The following CLEC9A variants were observed in gnomAD, a reference collection of about 807,000 sequenced individuals.
The protein encoded by CLEC9A is C-type lectin domain family 9 member A.
CLEC9A carries 24 observed loss-of-function variants against 30.0 expected under a neutral mutation model. The observed-to-expected ratio is 0.80, with a 90% confidence interval of 0.58 to 1.13. The LOEUF is 1.13. Ranked by LOEUF, CLEC9A falls within the 50% of genes most tolerant of loss-of-function variation. CLEC9A has a pLI of 0.00. For missense variants in CLEC9A, 251 were observed against 280.9 expected, an observed-to-expected ratio of 0.89 and a Z score of 0.76; for synonymous variants, 111 against 96.8, an observed-to-expected ratio of 1.15 and a Z score of -0.86.
chr12:10,049,266 G>C (rs1263272793), intron 2 of CLEC9A, among the ~76,000 whole-genome samples: 2 of 152,146 alleles, frequency 1.3e-5, no homozygotes. Context: ...ATAGAGAATA[G>C]GCAGGGTATA....
At chr12:10,057,480 G>C (rs184906148) in intron 5 of CLEC9A, among the ~76,000 whole-genome samples, 1 of 151,736 alleles carries the variant, frequency 6.6e-6, no homozygotes, top group Non-Finnish European at 1.5e-5. Flanking sequence ...CTAAAGGCCA[G>C]TACCTGACAA....
rs564201461 is a variant in CLEC9A, at chr12:10,054,514, G to T, written c.172+163G>T. ...GATAGAACTCTCTGAGCACTTGGAT[G>T]CCACTGATAACTTTCAATGATCTAT... On this transcript the variant is annotated intron_variant, in intron 5 of 8. Coordinates refer to ENST00000355819, the MANE Select transcript of CLEC9A (RefSeq NM_207345.4). Among the ~76,000 whole-genome samples the T allele has an allele frequency of 1.3e-3, 197 of 152,238 alleles. 1 individual carries two copies. Among genetic ancestry groups the T allele is most frequent in the African/African-American group, 4.4e-3 (183 of 41,550 alleles).
At chr12:10,042,588 G>C (rs1055001394) in intron 2 of CLEC9A, among the ~76,000 whole-genome samples, 1 of 152,094 alleles carries the variant, frequency 6.6e-6, no homozygotes, top group Non-Finnish European at 1.5e-5. Context: ...TTAAGCTCAA[G>C]GAGCATAGAT....
chr12:10,040,282 G>A (rs772256565), intron 1 of CLEC9A, among the ~76,000 whole-genome samples: 1 of 152,172 alleles, frequency 6.6e-6, no homozygotes, highest in Non-Finnish European at 1.5e-5. Context: ...CTTTGGGCAT[G>A]TTATTGATCT....
Position 10,061,200 on chromosome 12 carries a change from T to C in CLEC9A, c.246T>C (p.Phe82=), listed in dbSNP as rs1865993734. 1.2e-6 allele frequency: 2 copies of C among 1,612,996 alleles called. No individual in the cohort carries two copies. Among genetic ancestry groups the C allele is most frequent in the South Asian group, 1.1e-5 (1 of 90,844 alleles). The part of the protein sequence containing the change: ...LIQQERALLN[F]TEWKRSCALQ... The stretch of plus-strand genomic sequence containing the variant: ...AACAAGAGAGGGCACTGCTAAACTT[T>C]ACAGAATGGAAGAGAAGCTGTGCCC... The change falls in exon 6 of 9, where the codon TTT becomes TTC. Residue 82 remains phenylalanine, a synonymous_variant. Transcript: ENST00000355819.
chr12:10,042,434 G>T (rs965409679), intron 2 of CLEC9A, among the ~76,000 whole-genome samples: 5 of 152,176 alleles, frequency 3.3e-5, no homozygotes, highest in African/African-American at 1.2e-4. Context: ...GGAGGTGTGA[G>T]AGTATATAAA....
At chr12:10,035,182 C>G (rs541416649) in intron 1 of CLEC9A, among the ~76,000 whole-genome samples, 20 of 152,298 alleles carry the variant, frequency 1.3e-4, no homozygotes, top group South Asian at 2.1e-4. Flanking sequence ...GATGACTACT[C>G]TCAATGTCCA....
intron 4 of CLEC9A, among the ~76,000 whole-genome samples, chr12:10,053,315 G>A (rs550870564): frequency 2.0e-4 from 31 of 152,304 alleles, no homozygotes; most frequent in Non-Finnish European, 3.7e-4. Flanking sequence ...AGCTGAAATG[G>A]ATTTCAATGG....
chr12:10,038,146 A>AT (rs1459904656), intron 1 of CLEC9A, among the ~76,000 whole-genome samples: 2 of 152,116 alleles, frequency 1.3e-5, no homozygotes, highest in South Asian at 4.1e-4. Context: ...TGGGATTTTA[A>AT]TTTTTTTTAA....
intron 1 of CLEC9A, among the ~76,000 whole-genome samples, chr12:10,035,229 T>G (rs1218290087): frequency 6.6e-6 from 1 of 152,182 alleles, no homozygotes; most frequent in African/African-American, 2.4e-5. Flanking sequence ...TCTTGGGGGT[T>G]TTATAGGCAC....
At chr12:10,037,290 G>A (rs553874953) in intron 1 of CLEC9A, among the ~76,000 whole-genome samples, 20 of 152,294 alleles carry the variant, frequency 1.3e-4, no homozygotes, top group African/African-American at 4.8e-4. Context: ...CGGGCTCACT[G>A]AGCGCTTTCG....
chr12:10,035,775 C>T (rs555045315), intron 1 of CLEC9A, among the ~76,000 whole-genome samples: 2 of 152,272 alleles, frequency 1.3e-5, no homozygotes, highest in South Asian at 4.1e-4. Flanking sequence ...CCACCACACC[C>T]AGCTAATTTT....
intron 1 of CLEC9A, among the ~76,000 whole-genome samples, chr12:10,038,960 T>G (rs924783023): frequency 1.3e-5 from 2 of 152,256 alleles, no homozygotes; most frequent in African/African-American, 4.8e-5. Flanking sequence ...GGGCCATGCC[T>G]ATTGTTGATG....
intron 1 of CLEC9A, among the ~76,000 whole-genome samples, chr12:10,037,341 C>G (rs35562861): frequency 3.9e-4 from 60 of 152,246 alleles, no homozygotes; most frequent in Non-Finnish European, 7.4e-4. Flanking sequence ...TAATTATTGG[C>G]TATTTTACAA....
rs150400833 is a variant in CLEC9A, at chr12:10,058,334, C to T, written c.173-2793C>T. ...GGATAAAAATCAGAGCATCACTGTT[C>T]TACACTTGACTCTGGTTAGATCCAT... On this transcript the variant is annotated intron_variant, in intron 5 of 8. Transcript: ENST00000355819. 7.5e-4 allele frequency among the ~76,000 whole-genome samples: 114 copies of T among 152,196 alleles called. 1 individual carries two copies. Among genetic ancestry groups the T allele is most frequent in the African/African-American group, 2.7e-3 (112 of 41,526 alleles).
intron 6 of CLEC9A, among the ~76,000 whole-genome samples, chr12:10,062,001 T>C (rs1866002706): frequency 6.6e-6 from 1 of 152,216 alleles, no homozygotes; most frequent in Admixed American, 6.5e-5. Context: ...AGGATCACTG[T>C]GTGCCCAACC....
In CLEC9A at chr12:10,065,705, C is replaced by T; in HGVS notation, c.*73C>T. 5.8e-6 allele frequency: 9 copies of T among 1,553,500 alleles called. No homozygotes were observed. Among genetic ancestry groups the T allele is most frequent in the Non-Finnish European group, 7.9e-6 (9 of 1,146,456 alleles). On this transcript the variant is annotated 3_prime_UTR_variant, in exon 9 of 9. Transcript: ENST00000355819. ...CCATTGGAAAACCCACCCCCACCCC[C>T]CCTCAAAAAAACAGAACAGTAAACC... is the stretch of plus-strand genomic sequence containing the variant.
chr12:10,043,227 G>T, intron 2 of CLEC9A: 1 of 383,138 alleles, frequency 2.6e-6, no homozygotes, highest in East Asian at 9.0e-5. Context: ...ATACATCAAA[G>T]CCAGGACTGG....
intron 1 of CLEC9A, among the ~76,000 whole-genome samples, chr12:10,040,117 C>T (rs1047667595): frequency 1.3e-5 from 2 of 152,146 alleles, no homozygotes; most frequent in Non-Finnish European, 2.9e-5. Flanking sequence ...GTCACCTTGC[C>T]CAATCTTATC....
Sources: allele counts gnomAD v4.1 joint callset (sites outside exome capture counted in the v4.1 genomes callset), GRCh38; gene constraint gnomAD v4.1.1; transcripts MANE v1.5; gene names NCBI Gene and HGNC (gene_info 2026-07-23, HGNC 2026-07-21).